Variants in EXOC2 observed in about 807,000 individuals in gnomAD.
The protein encoded by EXOC2 is SEC5-like 1.
In EXOC2, 70 loss-of-function variants were observed where a neutral mutation model predicts 131.8. The observed-to-expected ratio is 0.53, with a 90% CI of 0.44 to 0.65. The LOEUF (loss-of-function observed/expected upper bound fraction) is 0.65. Among genes scored for constraint, EXOC2 ranks in the 30% least tolerant of loss-of-function variants. The probability of loss-of-function intolerance (pLI) is 0.00; values close to 1 mark genes in which losing one functional copy is unlikely to be tolerated. For missense variants in EXOC2, 923 were observed against 1,108.6 expected (o/e 0.83, Z 2.38); for synonymous variants, 411 against 398.4 (o/e 1.03, Z -0.38).
In EXOC2 at chr6:564,117, TA is replaced by T. The variant is rs1453911899; in HGVS notation, c.1704del (p.Asn569MetfsTer19). On this transcript the variant is annotated frameshift_variant, in exon 16 of 28. Coordinates refer to ENST00000230449, the MANE Select transcript of EXOC2 (RefSeq NM_018303.6). LOFTEE classifies it high-confidence loss of function. ...THESLTALEIPNDLLQTIQDL... is the reference protein window; with the variant it reads ...THESLTALEIXNDLLQTIQDL... Reference sequence around the variant, plus strand: ...TCCTGGATAGTCTGTAACAGGTCATTAGGAATTTCAAGGGCAGTCAACGATT... The same window carrying T: ...TCCTGGATAGTCTGTAACAGGTCATTGGAATTTCAAGGGCAGTCAACGATT... 1 of 1,614,006 alleles carries T rather than the reference TA, an allele frequency of 6.2e-7. No homozygotes were observed. The highest frequency in any genetic ancestry group is 1.7e-5 in the Admixed American group (1 of 59,970).
chr6:541,478 T>C (rs985661853), intron 22 of EXOC2, among the ~76,000 whole-genome samples: 2 of 152,156 alleles, frequency 1.3e-5, no homozygotes, highest in African/African-American at 4.8e-5. Flanking sequence ...AGTCAAAAGT[T>C]ATTCTCTGAA....
intron 23 of EXOC2, among the ~76,000 whole-genome samples, chr6:510,440 A>G (rs1348363486): frequency 6.6e-6 from 1 of 152,144 alleles, no homozygotes; most frequent in Non-Finnish European, 1.5e-5. Context: ...CAATCTCAAT[A>G]GGAAAACTCT....
intron 1 of EXOC2, among the ~76,000 whole-genome samples, chr6:652,803 C>T (rs1401156027): frequency 6.6e-6 from 1 of 152,186 alleles, no homozygotes; most frequent in Non-Finnish European, 1.5e-5. Flanking sequence ...CAGTTTACCT[C>T]CTTTTATTGT....
chr6:664,959 G>C (rs1473250760), intron 1 of EXOC2, among the ~76,000 whole-genome samples: 1 of 152,126 alleles, frequency 6.6e-6, no homozygotes, highest in African/African-American at 2.4e-5. Context: ...AAACTAAAGA[G>C]CTTTTGCATG....
chr6:653,046 G>A (rs981866272), intron 1 of EXOC2, among the ~76,000 whole-genome samples: 6 of 152,012 alleles, frequency 3.9e-5, no homozygotes, highest in African/African-American at 7.3e-5. Context: ...TAACTGTTCC[G>A]GGGCACCACA....
At chr6:500,887 C>T (rs946047541) in intron 23 of EXOC2, among the ~76,000 whole-genome samples, 23 of 151,566 alleles carry the variant, frequency 1.5e-4, no homozygotes, top group African/African-American at 3.6e-4. Flanking sequence ...ACCTTTTGAA[C>T]GGGCATTTGC....
At chr6:593,596 AG>A (rs1213702759) in intron 10 of EXOC2, among the ~76,000 whole-genome samples, 7 of 152,376 alleles carry the variant, frequency 4.6e-5, no homozygotes, top group African/African-American at 1.2e-4. Context: ...TTTGGCCCTC[AG>A]CCCTCACAAA....
intron 22 of EXOC2, among the ~76,000 whole-genome samples, chr6:539,999 C>CA (rs1766711719): frequency 6.6e-6 from 1 of 152,144 alleles, no homozygotes; most frequent in Non-Finnish European, 1.5e-5. Flanking sequence ...AGTATTAACA[C>CA]AAAAAAGAAA....
At chr6:525,922 TAAAG>T (rs1216454977) in intron 23 of EXOC2, among the ~76,000 whole-genome samples, 1 of 152,214 alleles carries the variant, frequency 6.6e-6, no homozygotes, top group Non-Finnish European at 1.5e-5. Flanking sequence ...TCATCCATTA[TAAAG>T]AAAGTATAAT....
chr6:577,547 A>G (rs990157399), intron 11 of EXOC2, among the ~76,000 whole-genome samples: 2 of 152,216 alleles, frequency 1.3e-5, no homozygotes, highest in Non-Finnish European at 2.9e-5. Context: ...CAATTTTTCT[A>G]AAATGGATCA....
chr6:689,466 A>G (rs1328348647), intron 1 of EXOC2, among the ~76,000 whole-genome samples: 2 of 152,202 alleles, frequency 1.3e-5, no homozygotes, highest in Non-Finnish European at 2.9e-5. Context: ...CTCACTTACC[A>G]GCCCCTGGGC....
intron 6 of EXOC2, among the ~76,000 whole-genome samples, chr6:614,987 A>C (rs1386776836): frequency 1.3e-5 from 2 of 152,186 alleles, no homozygotes; most frequent in Non-Finnish European, 2.9e-5. Context: ...TCTCTGAAGA[A>C]TCAATGTTAA....
chr6:561,825 G>A (rs558630279), intron 17 of EXOC2, among the ~76,000 whole-genome samples: 3 of 152,224 alleles, frequency 2.0e-5, no homozygotes, highest in East Asian at 3.9e-4. Flanking sequence ...CTCATGATCC[G>A]CCCACCTCGG....
At chr6:663,346 A>C (rs1229006059) in intron 1 of EXOC2, among the ~76,000 whole-genome samples, 1 of 152,184 alleles carries the variant, frequency 6.6e-6, no homozygotes, top group South Asian at 2.1e-4. Flanking sequence ...AGGGATTCAC[A>C]GCAGAATTCC....
intron 17 of EXOC2, among the ~76,000 whole-genome samples, chr6:560,871 C>T (rs1757662957): frequency 1.3e-5 from 2 of 151,898 alleles, no homozygotes; most frequent in South Asian, 4.2e-4. Context: ...CCGTGCCTGG[C>T]TAATTTTTGT....
At chr6:557,819 C>T (rs1392179664) in intron 17 of EXOC2, among the ~76,000 whole-genome samples, 2 of 151,970 alleles carry the variant, frequency 1.3e-5, no homozygotes, top group African/African-American at 4.8e-5. Flanking sequence ...GTACCCACCC[C>T]GCAGAGTGGG....
At chr6:584,809 C>T (rs1759109825) in intron 11 of EXOC2, among the ~76,000 whole-genome samples, 1 of 152,226 alleles carries the variant, frequency 6.6e-6, no homozygotes, top group African/African-American at 2.4e-5. Context: ...TAATTAAGTG[C>T]ATCTCTGAAA....
chr6:566,088 T>C (rs1477901739), intron 13 of EXOC2, among the ~76,000 whole-genome samples: 1 of 152,222 alleles, frequency 6.6e-6, no homozygotes, highest in Non-Finnish European at 1.5e-5. Flanking sequence ...GAAATATGTT[T>C]TTGTCTTGAA....
At chr6:619,693 T>G in intron 4 of EXOC2, 150 bp from the exon 5 acceptor site, 1 of 532,490 alleles carries the variant, frequency 1.9e-6, no homozygotes, top group Non-Finnish European at 3.3e-6. Context: ...TGTTTGTATA[T>G]ATGTACAAAA....
Sources: allele counts gnomAD v4.1 joint callset (sites outside exome capture counted in the v4.1 genomes callset), GRCh38; gene constraint gnomAD v4.1.1; transcripts MANE v1.5; gene names NCBI Gene and HGNC (gene_info 2026-07-23, HGNC 2026-07-21).